Variants in TNPO1 observed in about 807,000 individuals in gnomAD.
TNPO1 encodes the protein transportin-1.
A neutral mutation model predicts 119.5 loss-of-function variants in TNPO1; 8 were observed. That is an observed-to-expected ratio of 0.07 (90% CI 0.04 to 0.12). The LOEUF is 0.12. Ranked by LOEUF, TNPO1 falls within the 10% of genes least tolerant of loss-of-function variation. The pLI is 1.00. For synonymous variants in TNPO1, 362 were observed against 363.0 expected, an observed-to-expected ratio of 1.00 and a Z score of 0.03; for missense variants, 576 against 1,089.8, an observed-to-expected ratio of 0.53 and a Z score of 6.64.
rs1357383935 is a variant in TNPO1 at position 72,912,403 on chromosome 5, T to C, written c.*3730T>C. 6.6e-6 allele frequency: 1 copy of C among 152,540 alleles called. No homozygotes were observed. Among genetic ancestry groups the C allele is most frequent in the Non-Finnish European group, 1.5e-5 (1 of 67,934 alleles). 9.4% of individuals were successfully genotyped at this position (152,540 alleles called of 1,614,324 possible). ...AAACTAATTTCAATGGATTTTCCTC[T>C]TGAAATGCTTTGTCTACTCAGTTAT... On this transcript the variant is annotated 3_prime_UTR_variant, in exon 25 of 25. Coordinates refer to ENST00000337273, the MANE Select transcript of TNPO1 (RefSeq NM_002270.4).
intron 9 of TNPO1, among the ~76,000 whole-genome samples, chr5:72,881,934 C>CA (rs1311228327): frequency 4.6e-5 from 7 of 152,238 alleles, no homozygotes; most frequent in Non-Finnish European, 5.9e-5. Flanking sequence ...CAAAAAAACT[C>CA]AAACTTTTTT....
chr5:72,851,333 G>A lies in TNPO1; in HGVS notation c.205+14G>A, dbSNP rs765687079. 3.5e-6 allele frequency: 5 copies of A among 1,431,604 alleles called. No individual in the cohort carries two copies. Among genetic ancestry groups the A allele is most frequent in the Admixed American group, 1.8e-5 (1 of 56,568 alleles). 88.7% of individuals were successfully genotyped at this position (1,431,604 alleles called of 1,614,324 possible). ...TAAAATCTGAAGGTAAGTAGGATTTGTATTGATAACTATTTAAAGTTTCTT... is the reference window on the plus strand; with the variant it reads ...TAAAATCTGAAGGTAAGTAGGATTTATATTGATAACTATTTAAAGTTTCTT... On this transcript the variant is annotated intron_variant, in intron 3 of 24. Coordinates refer to ENST00000337273, the MANE Select transcript of TNPO1 (RefSeq NM_002270.4).
chr5:72,888,470 T>G (rs1748817034), intron 13 of TNPO1, among the ~76,000 whole-genome samples, 167 bp downstream of exon 13: 1 of 152,272 alleles, frequency 6.6e-6, no homozygotes, highest in African/African-American at 2.4e-5. Flanking sequence ...TGAAGTGTTT[T>G]GCAGGATCTG....
chr5:72,875,390 A>G (rs1747685056), intron 7 of TNPO1, among the ~76,000 whole-genome samples: 1 of 152,224 alleles, frequency 6.6e-6, no homozygotes. Context: ...CTCAAAGTAC[A>G]GCTGATTGTA....
chr5:72,888,549 G>A (rs571110777), intron 13 of TNPO1, among the ~76,000 whole-genome samples: 4 of 152,290 alleles, frequency 2.6e-5, no homozygotes, highest in South Asian at 4.1e-4. Flanking sequence ...TGTCATGTGG[G>A]TTTTACCTGA....
intron 14 of TNPO1, among the ~76,000 whole-genome samples, chr5:72,890,678 C>G (rs376136417): frequency 6.6e-6 from 1 of 152,122 alleles, no homozygotes; most frequent in African/African-American, 2.4e-5. Flanking sequence ...TCTTTAGAGT[C>G]TGTGCCCCTG....
At position 72,822,323 on chromosome 5, in the gene TNPO1, CTTTT is replaced by C. The variant is rs11458903; in HGVS notation, c.15+5580_15+5583del. On this transcript the variant is annotated intron_variant, in intron 1 of 24. Coordinates refer to ENST00000337273, the MANE Select transcript of TNPO1 (RefSeq NM_002270.4). ...AGAAAAATGCAAAGTAAAGCAGTGA[CTTTT>C]TTTTTTTTCTCATTATACTGGCCAA... 4.1e-3 allele frequency among the ~76,000 whole-genome samples: 604 copies of C among 147,802 alleles called. 5 individuals are homozygous for C. Among genetic ancestry groups the C allele is most frequent in the African/African-American group, 0.015 (586 of 40,306 alleles).
chr5:72,851,160 G>T, intron 2 of TNPO1, 84 bp from the exon 3 acceptor site: 1 of 822,896 alleles, frequency 1.2e-6, no homozygotes, highest in East Asian at 2.6e-5. Context: ...TACCACCAAA[G>T]AGATCCTTGA....
Position 72,910,900 on chromosome 5 carries a change from T to C in TNPO1, c.*2227T>C, listed in dbSNP as rs1187923699. On this transcript the variant is annotated 3_prime_UTR_variant, in exon 25 of 25. Coordinates refer to ENST00000337273, the MANE Select transcript of TNPO1 (RefSeq NM_002270.4). Reference sequence around the variant, plus strand: ...CTGTAGAGCCTGAAATTAAATTATTTTATAGTGCCTGATATTTTTAATATT... The same window carrying C: ...CTGTAGAGCCTGAAATTAAATTATTCTATAGTGCCTGATATTTTTAATATT... 1.3e-5 allele frequency: 2 copies of C among 152,110 alleles called. No homozygotes were observed. Among genetic ancestry groups the C allele is most frequent in the Admixed American group, 6.6e-5 (1 of 15,260 alleles). The allele number at this position is 152,110 out of a possible 1,614,324, so 9.4% of individuals were successfully genotyped here.
chr5:72,868,363 C>T (rs764047139), intron 6 of TNPO1, among the ~76,000 whole-genome samples: 17 of 125,542 alleles, frequency 1.4e-4, no homozygotes, highest in Non-Finnish European at 2.2e-4. Context: ...ACCTGGGAGA[C>T]GGAGCTTGCA....
At chr5:72,882,926 T>C in intron 10 of TNPO1, 138 bp from the exon 11 acceptor site, 1 of 682,744 alleles carries the variant, frequency 1.5e-6, no homozygotes, top group Non-Finnish European at 2.6e-6. Flanking sequence ...TACATGGGCG[T>C]GGTTCTTAAT....
chr5:72,885,847 A>G (rs886559927), intron 11 of TNPO1, among the ~76,000 whole-genome samples: 1 of 149,842 alleles, frequency 6.7e-6, no homozygotes, highest in Non-Finnish European at 1.5e-5. Context: ...TTCTTAGTCC[A>G]TTTTGTACTA....
Position 72,911,664 on chromosome 5 carries a change from T to G in TNPO1, c.*2991T>G, listed in dbSNP as rs921317157. The G allele has an allele frequency of 6.6e-6, 1 of 152,564 alleles. No homozygotes were observed. Among genetic ancestry groups the G allele is most frequent in the Admixed American group, 6.5e-5 (1 of 15,276 alleles). The allele number at this position is 152,564 out of a possible 1,614,324, so 9.5% of individuals were successfully genotyped here. A position where few individuals can be genotyped will look rare whatever the true frequency, so the allele number is the denominator to read the frequency against. On this transcript the variant is annotated 3_prime_UTR_variant, in exon 25 of 25. Coordinates refer to ENST00000337273, the MANE Select transcript of TNPO1 (RefSeq NM_002270.4). ...TGAGTTTGTCTTTGTTACATTCCAG[T>G]GTTTCTGCCTCTTGGCATGCTTAAA...
In TNPO1 at chr5:72,910,790, T is replaced by TAC. The variant is rs1750514704; in HGVS notation, c.*2117_*2118insAC. 6.6e-6 allele frequency: 1 copy of TAC among 151,718 alleles called. No homozygotes were observed. The highest frequency in any genetic ancestry group is 6.6e-5 in the Admixed American group (1 of 15,224). The allele number at this position is 151,718 out of a possible 1,614,324, so 9.4% of individuals were successfully genotyped here. A position where few individuals can be genotyped will look rare whatever the true frequency, so the allele number is the denominator to read the frequency against. ...GCATGTAGAAAGGTTTTTGTTACTA[T>TAC]GTGTGTGTGTGTGTTTTGTTTTGTT... On this transcript the variant is annotated 3_prime_UTR_variant, in exon 25 of 25. Transcript: ENST00000337273.
Position 72,844,534 on chromosome 5 carries a change from A to T in TNPO1, c.16-3851A>T, listed in dbSNP as rs76232987. ...TTGAAGGTGATGAACCAGATGATGAAGAGACTTCTTCCATGAAAAGAAGTT... is the reference window on the plus strand; with the variant it reads ...TTGAAGGTGATGAACCAGATGATGATGAGACTTCTTCCATGAAAAGAAGTT... On this transcript the variant is annotated intron_variant, in intron 1 of 24. Coordinates refer to ENST00000337273, the MANE Select transcript of TNPO1 (RefSeq NM_002270.4). Among the ~76,000 whole-genome samples the T allele has an allele frequency of 6.0e-3, 908 of 152,354 alleles. 6 individuals are homozygous for T. The highest frequency in any genetic ancestry group is 0.021 in the African/African-American group (888 of 41,562).
intron 1 of TNPO1, among the ~76,000 whole-genome samples, chr5:72,831,391 T>C (rs576101314): frequency 2.6e-5 from 4 of 152,086 alleles, no homozygotes; most frequent in African/African-American, 7.2e-5. Context: ...TTTGAAAAAT[T>C]AGGAAATTAG....
chr5:72,839,820 T>C (rs1744833435), intron 1 of TNPO1, among the ~76,000 whole-genome samples: 1 of 152,090 alleles, frequency 6.6e-6, no homozygotes, highest in Admixed American at 6.5e-5. Flanking sequence ...GTAGTTAGGG[T>C]TGAGAACCAC....
chr5:72,882,490 G>C lies in TNPO1; in HGVS notation c.944G>C (p.Gly315Ala). Residue 315 changes from glycine to alanine, a missense_variant, in exon 10 of 25, where the codon GGC (glycine) becomes GCC (alanine). By Grantham distance (60) the Gly-to-Ala change is moderately conservative. Coordinates refer to ENST00000337273, the MANE Select transcript of TNPO1 (RefSeq NM_002270.4). Reference protein sequence around the residue: ...LPKLIPVLVNGMKYSDIDIIL... With the variant: ...LPKLIPVLVNAMKYSDIDIIL... ...AGGTTGATTCCTGTGTTAGTGAATG[G>C]CATGAAGTACTCAGACATAGATATT... 1 of 1,609,746 alleles carries C rather than the reference G, an allele frequency of 6.2e-7. No individual in the cohort carries two copies.
At chr5:72,873,784 A>T (rs1387985116) in intron 7 of TNPO1, among the ~76,000 whole-genome samples, 2 of 152,072 alleles carry the variant, frequency 1.3e-5, no homozygotes, top group African/African-American at 2.4e-5. Flanking sequence ...TCTTTATATC[A>T]TCTGTAAAAT....
Sources: gnomAD v4.1 joint callset for allele counts (sites outside exome capture counted in the v4.1 genomes callset) on GRCh38, gnomAD v4.1.1 for gene constraint, MANE v1.5 for transcripts, NCBI Gene and HGNC (gene_info 2026-07-23, HGNC 2026-07-21) for gene names.